Variants in STKLD1 observed in about 807,000 individuals in gnomAD.
STKLD1 encodes the protein serine/threonine kinase-like domain-containing protein STKLD1.
Under a neutral mutation model 80.4 loss-of-function variants are expected in STKLD1, and 79 were observed. The ratio of observed to expected loss-of-function variants is 0.98; its 90% CI spans 0.82 to 1.19. The LOEUF (loss-of-function observed/expected upper bound fraction) is 1.19. STKLD1 is among the 50% of genes most tolerant of loss of function. The probability of loss-of-function intolerance (pLI) is 0.00; values close to 1 mark genes in which losing one functional copy is unlikely to be tolerated. For synonymous variants in STKLD1, 393 were observed against 357.6 expected, an observed-to-expected ratio of 1.10 and a Z score of -1.12; for missense variants, 841 against 856.0, an observed-to-expected ratio of 0.98 and a Z score of 0.22.
chr9:133,379,068 G>A lies in STKLD1; in HGVS notation c.120G>A (p.Gly40=). 2 of 1,614,036 alleles carry A rather than the reference G, an allele frequency of 1.2e-6. No homozygotes were observed. The highest frequency in any genetic ancestry group is 1.1e-5 in the South Asian group (1 of 91,076). The change falls in exon 2 of 18, where the codon GGG becomes GGA. Residue 40 remains glycine (G), a synonymous_variant. Transcript: ENST00000371957. ...VLYQLNPGAL[G]VNLVVEEMET... ...ACCAGCTGAATCCTGGGGCCTTGGGGGTGAACCTGGTGGTGGAGGAAATGG... is the reference window on the plus strand; with the variant it reads ...ACCAGCTGAATCCTGGGGCCTTGGGAGTGAACCTGGTGGTGGAGGAAATGG...
Position 133,399,899 on chromosome 9 carries a change from G to C in STKLD1, c.1082-514G>C, listed in dbSNP as rs114255086. Reference sequence around the variant, plus strand: ...GTTTCAAAAAAAAAAAAAAAAGAGGGGGGGGTCTTGCTTCGCTCCACACTC... The same window carrying C: ...GTTTCAAAAAAAAAAAAAAAAGAGGCGGGGGTCTTGCTTCGCTCCACACTC... On this transcript the variant is annotated intron_variant, in intron 11 of 17. Transcript: ENST00000371957. Among the ~76,000 whole-genome samples the C allele has an allele frequency of 4.6e-3, 696 of 151,888 alleles. 2 individuals are homozygous for C. The highest frequency in any genetic ancestry group is 7.1e-3 in the Non-Finnish European group (484 of 67,848).
rs782074352 is a variant in STKLD1 at position 133,401,817 on chromosome 9, C to T, written c.1278C>T (p.His426=). Residue 426 remains histidine, a synonymous_variant, in exon 13 of 18, where the codon CAC becomes CAT. Transcript: ENST00000371957. ...CCCTGCTGAGTGCTCTTCAGAGCCA[C>T]CCCGAGGAGGAGCCACTTCTTGTCA... ...TSTLLSALQS[H]PEEEPLLVMV... 5 of 1,613,706 alleles carry T rather than the reference C, an allele frequency of 3.1e-6. No individual in the cohort carries two copies. In the South Asian group the frequency reaches 5.5e-5, roughly 18 times the overall value.
At position 133,376,550 on chromosome 9, in the gene STKLD1, A is replaced by AGAAGTACCAGGTGCC; in HGVS notation, c.80_87+7dup. ...CCAGGGTCCCCCGGAGAGCCCATGG[A>AGAAGTACCAGGTGCC]GAAGTACCAGGTGCCGAGTGTTCCC... On this transcript the variant is annotated inframe_insertion, in exon 1 of 18. Transcript: ENST00000371957. 6.3e-7 allele frequency: 1 copy of AGAAGTACCAGGTGCC among 1,597,992 alleles called. No individual in the cohort carries two copies. The highest frequency in any genetic ancestry group is 8.5e-7 in the Non-Finnish European group (1 of 1,174,240).
intron 12 of STKLD1, among the ~76,000 whole-genome samples, chr9:133,400,922 A>G (rs181000416): frequency 6.2e-4 from 95 of 152,282 alleles, no homozygotes; most frequent in Non-Finnish European, 1.2e-3. Flanking sequence ...TTTCCCAGCT[A>G]TGAAGCGAGG....
At chr9:133,399,131 G>A (rs1588753667) in intron 11 of STKLD1, among the ~76,000 whole-genome samples, 1 of 152,332 alleles carries the variant, frequency 6.6e-6, no homozygotes, top group Non-Finnish European at 1.5e-5. Flanking sequence ...TGGGATTACA[G>A]GCGTGAGACA....
chr9:133,379,687 G>T (rs1838088439), intron 2 of STKLD1, among the ~76,000 whole-genome samples: 1 of 152,252 alleles, frequency 6.6e-6, no homozygotes, highest in Non-Finnish European at 1.5e-5. Flanking sequence ...GCATGGGGAG[G>T]TGTAGGCCTG....
chr9:133,387,510 G>A lies in STKLD1; in HGVS notation c.358G>A (p.Glu120Lys), dbSNP rs2130279762. The A allele has an allele frequency of 6.2e-7, 1 of 1,614,094 alleles. No individual in the cohort carries two copies. The highest frequency in any genetic ancestry group is 8.5e-7 in the Non-Finnish European group (1 of 1,180,018). The change falls in exon 5 of 18, where the codon GAG (glutamate) becomes AAG (lysine). Residue 120 changes from glutamate to lysine, a missense_variant. Transcript: ENST00000371957. ...FNELSFQEVI[E>K]DKRKAKKIID... ...TGAGCTCAGCTTCCAGGAGGTCATTGAGGATAAGAGGAAGGCAAAGAAAAT... is the reference window on the plus strand; with the variant it reads ...TGAGCTCAGCTTCCAGGAGGTCATTAAGGATAAGAGGAAGGCAAAGAAAAT...
At chr9:133,396,020 G>A (rs1838554422) in intron 9 of STKLD1, 7 of 322,178 alleles carry the variant, frequency 2.2e-5, no homozygotes, top group Middle Eastern at 1.7e-3. Flanking sequence ...CAGGACCCAC[G>A]ACACTTTTAG....
At position 133,389,085 on chromosome 9, in the gene STKLD1, G is replaced by A. The variant is rs1838327030; in HGVS notation, c.397-441G>A. On this transcript the variant is annotated intron_variant, in intron 5 of 17. Transcript: ENST00000371957. The surrounding 1 kb of genome is among the most constrained non-coding windows in gnomAD (Gnocchi z 6.4). ...GTACTCGATGGAGCTTGTCTCTGAT[G>A]CAGAACACTCCTAGCATTCTCTCTC... The A allele has an allele frequency of 1.0e-6, 1 of 985,386 alleles. No homozygotes were observed. The allele number at this position is 985,386 out of a possible 1,614,324, so 61.0% of individuals were successfully genotyped here.
intron 2 of STKLD1, among the ~76,000 whole-genome samples, chr9:133,380,932 C>T (rs1368211320): frequency 1.3e-5 from 2 of 152,086 alleles, no homozygotes; most frequent in Non-Finnish European, 2.9e-5. Context: ...CTGTAACTAA[C>T]CCAAGCCATC....
At position 133,404,829 on chromosome 9, in the gene STKLD1, C is replaced by T; in HGVS notation, c.1773C>T (p.Gly591=). 1 of 1,613,348 alleles carries T rather than the reference C, an allele frequency of 6.2e-7. No homozygotes were observed. ...AGGTGGTGGTGCAGGAGGAGGGCGG[C>T]AGTGGCCTCAGCCTCATCAAGGAGA... ...AFKVVVQEEG[G]SGLSLIKETY... is the part of the protein sequence containing the mutation. The change falls in exon 17 of 18, where the codon GGC becomes GGT. Residue 591 remains glycine, a synonymous_variant. Coordinates refer to ENST00000371957, the MANE Select transcript of STKLD1 (RefSeq NM_153710.5).
At chr9:133,378,069 G>A (rs1040694049) in intron 1 of STKLD1, among the ~76,000 whole-genome samples, 19 of 152,166 alleles carry the variant, frequency 1.2e-4, no homozygotes, top group African/African-American at 3.6e-4. Context: ...GTGGTAATGC[G>A]AGCCATGGGG....
chr9:133,389,151 T>C lies in STKLD1; in HGVS notation c.397-375T>C, dbSNP rs959348916. On this transcript the variant is annotated intron_variant, in intron 5 of 17. Transcript: ENST00000371957. The surrounding 1 kb of genome is among the most constrained non-coding windows in gnomAD (Gnocchi z 6.4). ...TGAATGACCTAGAGGATTGAGCTCA[T>C]GTAGGCACTGAAGGCTTCCACCTCT... 3.0e-6 allele frequency: 3 copies of C among 985,268 alleles called. No homozygotes were observed. Among genetic ancestry groups the C allele is most frequent in the African/African-American group, 1.7e-5 (1 of 57,234 alleles). 61.0% of individuals were successfully genotyped at this position (985,268 alleles called of 1,614,324 possible).
rs2130249186 is a variant in STKLD1 at position 133,376,538 on chromosome 9, G to A, written c.65G>A (p.Gly22Glu). 1 of 1,600,210 alleles carries A rather than the reference G, an allele frequency of 6.2e-7. No individual in the cohort carries two copies. The highest frequency in any genetic ancestry group is 8.5e-7 in the Non-Finnish European group (1 of 1,175,150). Reference protein sequence around the residue: ...TQGERGPGSPGEPMEKYQVLY... With the variant: ...TQGERGPGSPEEPMEKYQVLY... ...GGGGAGCGAGGCCCAGGGTCCCCCG[G>A]AGAGCCCATGGAGAAGTACCAGGTG... Residue 22 changes from glycine to glutamate, a missense_variant, in exon 1 of 18, where the codon GGA becomes GAA. Coordinates refer to ENST00000371957, the MANE Select transcript of STKLD1 (RefSeq NM_153710.5).
Position 133,403,950 on chromosome 9 carries a change from T to C in STKLD1, c.1634T>C (p.Val545Ala), listed in dbSNP as rs201799382. Residue 545 changes from valine to alanine, a missense_variant, in exon 16 of 18, where the codon GTG (valine) becomes GCG (alanine). By Grantham distance (64) the Val-to-Ala change is moderately conservative. Coordinates refer to ENST00000371957, the MANE Select transcript of STKLD1 (RefSeq NM_153710.5). ...ATCAAGGAGCAGCAGTTTGAACAAGTGGTGGCGCTGCTCCTGCAAAGCATC... is the reference window on the plus strand; with the variant it reads ...ATCAAGGAGCAGCAGTTTGAACAAGCGGTGGCGCTGCTCCTGCAAAGCATC... ...GCIKEQQFEQVVALLLQSIRL... is the reference protein window; with the variant it reads ...GCIKEQQFEQAVALLLQSIRL... The C allele has an allele frequency of 2.5e-6, 4 of 1,609,804 alleles. No individual in the cohort carries two copies. The highest frequency in any genetic ancestry group is 2.7e-5 in the African/African-American group (2 of 75,010).
intron 2 of STKLD1, among the ~76,000 whole-genome samples, chr9:133,383,283 GGT>G (rs1278003574): frequency 2.7e-4 from 7 of 26,278 alleles, no homozygotes; most frequent in Non-Finnish European, 5.5e-4. Context: ...TAATGGTGGT[GGT>G]GTGATGATGT....
At position 133,392,538 on chromosome 9, in the gene STKLD1, GATGGATGGATGGATGAGTGGATGGATGA is replaced by G. The variant is rs1838424743; in HGVS notation, c.584-1725_584-1698del. On this transcript the variant is annotated intron_variant, in intron 7 of 17. Transcript: ENST00000371957. Reference sequence around the variant, plus strand: ...GAATAGGTGGGTGGGTGGGTGAGTGGATGGATGGATGGATGAGTGGATGGATGAATGGATGGATGGATGAGTGGATGGA... The same window carrying G: ...GAATAGGTGGGTGGGTGGGTGAGTGGATGGATGGATGGATGAGTGGATGGA... Among the ~76,000 whole-genome samples the G allele has an allele frequency of 4.0e-5, 6 of 149,118 alleles. No homozygotes were observed. The South Asian group carries it at 1.1e-3, about 27-fold the overall frequency.
At chr9:133,393,633 G>A (rs954784111) in intron 7 of STKLD1, among the ~76,000 whole-genome samples, 2 of 140,516 alleles carry the variant, frequency 1.4e-5, no homozygotes, top group African/African-American at 2.7e-5. Context: ...GAGTGTGTAG[G>A]TGGGTGAGTG....
At chr9:133,396,484 T>C (rs2130676901) in intron 9 of STKLD1, among the ~76,000 whole-genome samples, 1 of 151,732 alleles carries the variant, frequency 6.6e-6, no homozygotes, top group South Asian at 2.1e-4. Context: ...CCGGACACGG[T>C]GGTTCACACC....
Sources: allele counts gnomAD v4.1 joint callset (sites outside exome capture counted in the v4.1 genomes callset), GRCh38; gene constraint gnomAD v4.1.1; non-coding constraint Gnocchi (gnomAD v3.1); transcripts MANE v1.5; gene names NCBI Gene and HGNC (gene_info 2026-07-23, HGNC 2026-07-21).